GNPTG: variants seen among roughly 807,000 people sequenced by gnomAD.
The protein encoded by GNPTG is N-acetylglucosamine-1-phosphate transferase subunit gamma, also known as N-acetylglucosamine-1-phosphotransferase subunit gamma.
A neutral mutation model predicts 43.8 loss-of-function variants in GNPTG; 46 were observed. The observed-to-expected ratio is 1.05, with a 90% CI of 0.83 to 1.34. GNPTG has a LOEUF of 1.34. GNPTG is among the 40% of genes most tolerant of loss of function. The pLI is 0.00. For synonymous variants in GNPTG, 250 were observed against 172.8 expected (o/e 1.45, Z -3.50); for missense variants, 549 against 411.3 (o/e 1.33, Z -2.90).
chr16:1,362,947 C>T (rs758840355), intron 10 of GNPTG, 41 bp downstream of exon 10: 9 of 1,613,676 alleles, frequency 5.6e-6, no homozygotes, highest in Admixed American at 5.0e-5. Context: ...CACCATCACA[C>T]TCGCCACCTG....
At position 1,362,564 on chromosome 16, in the gene GNPTG, G is replaced by A. The variant is rs1219985520; in HGVS notation, c.609+30G>A. 7 of 1,614,152 alleles carry A rather than the reference G, an allele frequency of 4.3e-6. No individual in the cohort carries two copies. In the Admixed American group the frequency reaches 5.0e-5, roughly 12 times the overall value. On this transcript the variant is annotated intron_variant, in intron 8 of 10. Coordinates refer to ENST00000204679, the MANE Select transcript of GNPTG (RefSeq NM_032520.5). ...GCGTGCGCTCGGGGTGGCCCCTGGT[G>A]GGCCTGGCTGGGAGCTGGGTGCTGC...
intron 3 of GNPTG, among the ~76,000 whole-genome samples, chr16:1,356,435 C>A (rs536777221): frequency 2.0e-5 from 3 of 152,128 alleles, no homozygotes; most frequent in African/African-American, 7.2e-5. Context: ...GCCCAAGAGG[C>A]GTGGAGGGGC....
chr16:1,360,102 G>A (rs1182004818), intron 3 of GNPTG, among the ~76,000 whole-genome samples: 9 of 150,082 alleles, frequency 6.0e-5, no homozygotes, highest in Admixed American at 4.6e-4. Context: ...GCTAGACTCC[G>A]TCTCAAAAAA....
At chr16:1,358,559 C>A (rs888494589) in intron 3 of GNPTG, 1 of 152,166 alleles carries the variant, frequency 6.6e-6, no homozygotes, top group Non-Finnish European at 1.5e-5. Context: ...TGGGAATAGG[C>A]TGCTGTGAAC....
Position 1,352,088 on chromosome 16 carries a change from C to G in GNPTG, c.53-14C>G. On this transcript the variant is annotated splice_polypyrimidine_tract_variant and intron_variant, in intron 1 of 10. Transcript: ENST00000204679. ...GCACCCCGGCCTCCCCGCTCACGGT[C>G]TCGCTCCCCGTAGGGCCCGCGCCGG... The G allele has an allele frequency of 6.4e-7, 1 of 1,559,048 alleles. No individual in the cohort carries two copies. Among genetic ancestry groups the G allele is most frequent in the Non-Finnish European group, 8.7e-7 (1 of 1,153,368 alleles).
chr16:1,359,515 G>C (rs2034834417), intron 3 of GNPTG, among the ~76,000 whole-genome samples: 1 of 152,130 alleles, frequency 6.6e-6, no homozygotes, highest in Non-Finnish European at 1.5e-5. Flanking sequence ...TGATCCGTCT[G>C]CCTCGGCCTC....
rs1439408621 is a variant in GNPTG at position 1,362,201 on chromosome 16, C to T, written c.412-5C>T. On this transcript the variant is annotated splice_region_variant and splice_polypyrimidine_tract_variant and intron_variant, in intron 6 of 10. Transcript: ENST00000204679. ...CCAACCCACCTACCCACGTTCCCTC[C>T]CCAGGTGGAGCTGGCGTGTGGAAAA... The T allele has an allele frequency of 1.2e-6, 2 of 1,613,550 alleles. No individual in the cohort carries two copies. The highest frequency in any genetic ancestry group is 1.6e-4 in the Middle Eastern group (1 of 6,062).
chr16:1,363,162 G>C lies in GNPTG; in HGVS notation c.*71G>C. 7.5e-7 allele frequency: 1 copy of C among 1,336,144 alleles called. No homozygotes were observed. The highest frequency in any genetic ancestry group is 1.1e-6 in the Non-Finnish European group (1 of 944,514). 82.8% of individuals were successfully genotyped at this position (1,336,144 alleles called of 1,614,324 possible). A position where few individuals can be genotyped will look rare whatever the true frequency, so the allele number is the denominator to read the frequency against. On this transcript the variant is annotated 3_prime_UTR_variant, in exon 11 of 11. Transcript: ENST00000204679. ...GAGAAGCTGGCTGGTAGGACCCGCA[G>C]GGACCAGCTGACCAGGCTTGTGCTC...
rs770600776 is a variant in GNPTG, at chr16:1,363,031, G to A, written c.858G>A (p.Thr286=). The A allele has an allele frequency of 1.2e-5, 20 of 1,613,924 alleles. No individual in the cohort carries two copies. The highest frequency in any genetic ancestry group is 8.0e-5 in the African/African-American group (6 of 74,904). Residue 286 remains threonine, a synonymous_variant, in exon 11 of 11, where the codon ACG becomes ACA. Coordinates refer to ENST00000204679, the MANE Select transcript of GNPTG (RefSeq NM_032520.5). ...TSNLEHLGHE[T]PRAKSPEQLR... ...ACTTGGAGCACTTGGGCCACGAGAC[G>A]CCCAGAGCCAAGTCTCCAGAGCAGC...
At chr16:1,359,769 C>T (rs2034838446) in intron 3 of GNPTG, among the ~76,000 whole-genome samples, 1 of 151,958 alleles carries the variant, frequency 6.6e-6, no homozygotes, top group Non-Finnish European at 1.5e-5. Flanking sequence ...GATGGGGTTG[C>T]ATTGAATCTG....
intron 3 of GNPTG, among the ~76,000 whole-genome samples, chr16:1,357,483 TTTA>T (rs113850025): frequency 0.031 from 4,727 of 150,534 alleles, 93 homozygotes; most frequent in African/African-American, 0.052. Context: ...GTATTTCGAC[TTTA>T]TTATTATTAT....
Position 1,362,679 on chromosome 16 carries a change from A to G in GNPTG, c.678A>G (p.Glu226=). The change falls in exon 9 of 11, where the codon GAA becomes GAG. Residue 226 remains glutamate, a synonymous_variant. Transcript: ENST00000204679. ...AGYLKTPEEN[E]PTQLEGGPDS... ...ACTTAAAGACCCCAGAAGAAAATGA[A>G]CCCACCCAGCTGGAGGGAGGTCCTG... is the stretch of plus-strand genomic sequence containing the variant. 6.2e-7 allele frequency: 1 copy of G among 1,613,964 alleles called. No individual in the cohort carries two copies. The highest frequency in any genetic ancestry group is 8.5e-7 in the Non-Finnish European group (1 of 1,179,978).
intron 3 of GNPTG, chr16:1,358,091 G>A (rs1405565109): frequency 6.6e-6 from 1 of 152,230 alleles, no homozygotes; most frequent in East Asian, 1.9e-4. Context: ...GCTGTGGCTT[G>A]ACTCACGAGT....
In GNPTG at chr16:1,362,901, C is replaced by T. The variant is rs2065188431; in HGVS notation, c.818C>T (p.Pro273Leu). 6.2e-7 allele frequency: 1 copy of T among 1,614,060 alleles called. No homozygotes were observed. The highest frequency in any genetic ancestry group is 8.5e-7 in the Non-Finnish European group (1 of 1,180,002). ...CAGCACGGCATCCCCTACACGAGGC[C>T]CACAGGTGAGTCACCTGTGGGGAGA... ...LTQHGIPYTR[P>L]TETSNLEHLG... is the part of the protein sequence containing the mutation. Residue 273 changes from proline to leucine, a missense_variant, in exon 10 of 11, where the codon CCC becomes CTC. Physicochemically the swap from Pro to Leu is moderately conservative, Grantham distance 98. Transcript: ENST00000204679.
Position 1,362,828 on chromosome 16 carries a change from C to CATAAAGAACT in GNPTG, c.746_755dup (p.Ser253Ter), listed in dbSNP as rs749994383. 1 of 1,613,950 alleles carries CATAAAGAACT rather than the reference C, an allele frequency of 6.2e-7. No homozygotes were observed. The highest frequency in any genetic ancestry group is 1.1e-5 in the South Asian group (1 of 91,076). ...GAACTCTTTTTGTGGTTGGTAGGCT[C>CATAAAGAACT]ATAAAGAACTCTCAAAGGAGATCAA... On this transcript the variant is annotated frameshift_variant, in exon 10 of 11. Transcript: ENST00000204679. LOFTEE classifies it high-confidence loss of function.
At chr16:1,360,147 T>C (rs1054035648) in intron 3 of GNPTG, among the ~76,000 whole-genome samples, 1 of 152,066 alleles carries the variant, frequency 6.6e-6, no homozygotes, top group Non-Finnish European at 1.5e-5. Flanking sequence ...ATGTCAGCTT[T>C]ATGTAGTGGG....
At position 1,351,944 on chromosome 16, in the gene GNPTG, G is replaced by C; in HGVS notation, c.-22G>C. 4.7e-6 allele frequency: 6 copies of C among 1,278,550 alleles called. No homozygotes were observed. The highest frequency in any genetic ancestry group is 5.9e-6 in the Non-Finnish European group (6 of 1,019,296). 79.2% of individuals were successfully genotyped at this position (1,278,550 alleles called of 1,614,324 possible). ...CACGTGACCGTCACTTCACGTGACC[G>C]CGCGGCGGCCGCTGCGGCGCGATGG... is the stretch of plus-strand genomic sequence containing the variant. On this transcript the variant is annotated 5_prime_UTR_variant, in exon 1 of 11. Transcript: ENST00000204679.
intron 3 of GNPTG, chr16:1,361,429 G>GC (rs2034870822): frequency 8.1e-6 from 3 of 368,440 alleles, no homozygotes; most frequent in Non-Finnish European, 1.6e-5. Flanking sequence ...TGGATCACGA[G>GC]GTCAGGAGAT....
Position 1,352,273 on chromosome 16 carries a change from C to T in GNPTG, c.145C>T (p.Leu49Phe), listed in dbSNP as rs1343539436. 12 of 1,548,332 alleles carry T rather than the reference C, an allele frequency of 7.8e-6. No homozygotes were observed. The highest frequency in any genetic ancestry group is 9.6e-6 in the Non-Finnish European group (11 of 1,146,862). The change falls in exon 3 of 11, where the codon CTC (leucine) becomes TTC (phenylalanine). Residue 49 changes from leucine to phenylalanine, a missense_variant. By Grantham distance (22) the Leu-to-Phe change is conservative. Coordinates refer to ENST00000204679, the MANE Select transcript of GNPTG (RefSeq NM_032520.5). ...CCCGTTCTTGCCTCAGGCCAGTCGCCTCCAGGCCAAGAGGGATCCTTCACC... is the reference window on the plus strand; with the variant it reads ...CCCGTTCTTGCCTCAGGCCAGTCGCTTCCAGGCCAAGAGGGATCCTTCACC... ...NNPFLPQASR[L>F]QAKRDPSPVS...
Sources: allele counts gnomAD v4.1 joint callset (sites outside exome capture counted in the v4.1 genomes callset), GRCh38; gene constraint gnomAD v4.1.1; transcripts MANE v1.5; gene names NCBI Gene and HGNC (gene_info 2026-07-23, HGNC 2026-07-21).